Variants in SYT9 observed in about 807,000 individuals in gnomAD.
SYT9 encodes the protein synaptotagmin 9.
In SYT9, 22 loss-of-function variants were observed where a neutral mutation model predicts 48.4. The observed-to-expected ratio is 0.45, with a 90% CI of 0.32 to 0.65. SYT9 has a LOEUF of 0.65. SYT9 is among the 30% of genes least tolerant of loss of function. SYT9 has a pLI of 0.03. For synonymous variants in SYT9, 265 were observed against 245.0 expected, an observed-to-expected ratio of 1.08 and a Z score of -0.76; for missense variants, 577 against 622.0, an observed-to-expected ratio of 0.93 and a Z score of 0.77.
intron 3 of SYT9, among the ~76,000 whole-genome samples, chr11:7,355,648 T>C (rs1223417980): frequency 6.6e-6 from 1 of 152,206 alleles, no homozygotes; most frequent in African/African-American, 2.4e-5. Context: ...CCTTGAGACA[T>C]CACTTATATG....
At chr11:7,406,159 T>C (rs1847004142) in intron 3 of SYT9, among the ~76,000 whole-genome samples, 1 of 152,210 alleles carries the variant, frequency 6.6e-6, no homozygotes, top group Admixed American at 6.5e-5. Flanking sequence ...TTATCATTCC[T>C]ATGTGTTGGT....
At chr11:7,254,317 G>C (rs570978356) in intron 1 of SYT9, among the ~76,000 whole-genome samples, 1 of 152,270 alleles carries the variant, frequency 6.6e-6, no homozygotes, top group South Asian at 2.1e-4. Flanking sequence ...CATGAGGACA[G>C]GGGTGGGGGT....
intron 3 of SYT9, among the ~76,000 whole-genome samples, chr11:7,357,569 T>G (rs1850045253): frequency 6.6e-6 from 1 of 152,144 alleles, no homozygotes; most frequent in Admixed American, 6.6e-5. Flanking sequence ...TATATGCATT[T>G]GTTTTTCTCT....
intron 3 of SYT9, among the ~76,000 whole-genome samples, chr11:7,318,261 A>G (rs1161772247): frequency 1.3e-5 from 2 of 151,716 alleles, no homozygotes; most frequent in South Asian, 2.1e-4. Flanking sequence ...GCTAGTGTAT[A>G]GTTAAAATTC....
At chr11:7,444,026 G>C (rs1334603221) in intron 6 of SYT9, among the ~76,000 whole-genome samples, 1 of 152,222 alleles carries the variant, frequency 6.6e-6, no homozygotes, top group Non-Finnish European at 1.5e-5. Context: ...AAAGGGTACA[G>C]ACTCTGAGTT....
intron 1 of SYT9, among the ~76,000 whole-genome samples, chr11:7,270,057 T>TAA (rs537193640): frequency 6.6e-6 from 1 of 152,198 alleles, no homozygotes; most frequent in South Asian, 2.1e-4. Flanking sequence ...TTAACATTCT[T>TAA]AAAGTGTACT....
At chr11:7,441,280 TC>T (rs1277718047) in intron 6 of SYT9, 2 of 152,140 alleles carry the variant, frequency 1.3e-5, no homozygotes, top group Non-Finnish European at 2.9e-5. Flanking sequence ...GAGGTGAGAC[TC>T]CTAAAACAAA....
At chr11:7,251,099 G>GACACACACGCAC, upstream of SYT9, among the ~76,000 whole-genome samples, 1 of 132,000 alleles carries the variant, frequency 7.6e-6, no homozygotes, top group African/African-American at 2.6e-5. Flanking sequence ...GTGGCACAGT[G>GACACACACGCAC]ACACACACAC....
At chr11:7,323,526 G>A (rs1304800419) in intron 3 of SYT9, among the ~76,000 whole-genome samples, 2 of 151,398 alleles carry the variant, frequency 1.3e-5, no homozygotes, top group Non-Finnish European at 2.9e-5. Flanking sequence ...GTAAACCTTG[G>A]TTTGTTTCTG....
chr11:7,374,516 AC>A (rs1367998862), intron 3 of SYT9, among the ~76,000 whole-genome samples: 1 of 152,170 alleles, frequency 6.6e-6, no homozygotes, highest in African/African-American at 2.4e-5. Flanking sequence ...CAATGGTTGA[AC>A]TAATTTACAT....
intron 1 of SYT9, among the ~76,000 whole-genome samples, chr11:7,288,270 A>G (rs1416050045): frequency 7.4e-6 from 1 of 134,626 alleles, no homozygotes; most frequent in African/African-American, 2.9e-5. Flanking sequence ...TGGTAAAACT[A>G]TGGCATTATA....
chr11:7,371,374 T>A (rs1850358955), intron 3 of SYT9, among the ~76,000 whole-genome samples: 1 of 152,114 alleles, frequency 6.6e-6, no homozygotes, highest in South Asian at 2.1e-4. Context: ...AATAATCATC[T>A]AATAAAATTT....
intron 3 of SYT9, among the ~76,000 whole-genome samples, chr11:7,351,348 T>A (rs555880518): frequency 1.3e-5 from 2 of 152,322 alleles, no homozygotes; most frequent in South Asian, 4.1e-4. Context: ...GCTCCCACAG[T>A]CAGTGCAAGA....
At chr11:7,418,190 G>T (rs116533596) in intron 5 of SYT9, 62 bp downstream of exon 5, 5 of 1,555,794 alleles carry the variant, frequency 3.2e-6, no homozygotes, top group Non-Finnish European at 4.4e-6. Context: ...GGAAGGCAGA[G>T]GGGGAGCAGC....
At chr11:7,443,014 G>C (rs1288789883) in intron 6 of SYT9, among the ~76,000 whole-genome samples, 1 of 152,152 alleles carries the variant, frequency 6.6e-6, no homozygotes, top group Non-Finnish European at 1.5e-5. Context: ...ATGAATGAAT[G>C]AGAATGAGAA....
intron 3 of SYT9, among the ~76,000 whole-genome samples, chr11:7,378,272 G>T (rs1267902764): frequency 1.3e-5 from 2 of 152,080 alleles, no homozygotes; most frequent in Non-Finnish European, 2.9e-5. Flanking sequence ...AGTATGTTAG[G>T]AGAAAGAACT....
At chr11:7,442,685 G>A in intron 6 of SYT9, among the ~76,000 whole-genome samples, 1 of 152,084 alleles carries the variant, frequency 6.6e-6, no homozygotes, top group South Asian at 2.1e-4. Flanking sequence ...TACTCACATG[G>A]GTAATGGGTT....
Position 7,243,244 on chromosome 11 carries a change from T to C in SYT9, c.49+4328T>C, listed in dbSNP as rs918087561. Among the ~76,000 whole-genome samples, 3 of 152,186 alleles carry C rather than the reference T, an allele frequency of 2.0e-5. 1 individual carries two copies. In the East Asian group the frequency reaches 5.8e-4, roughly 29 times the overall value. The stretch of plus-strand genomic sequence containing the variant: ...GAGAAGGAAAGCTTAAATATGGAAA[T>C]TAAGAACCAACATGAAAGTTGTATC... On this transcript the variant is annotated intron_variant and NMD_transcript_variant, in intron 1 of 8. Transcript: ENST00000524820.
At chr11:7,461,889 C>T (rs550053176) in intron 6 of SYT9, among the ~76,000 whole-genome samples, 195 of 152,304 alleles carry the variant, frequency 1.3e-3, no homozygotes, top group Non-Finnish European at 2.4e-3. Flanking sequence ...CTGAATGGTG[C>T]CTTCACTGTA....
Sources: gnomAD v4.1 joint callset for allele counts (sites outside exome capture counted in the v4.1 genomes callset) on GRCh38, gnomAD v4.1.1 for gene constraint, MANE v1.5 for transcripts, NCBI Gene and HGNC (gene_info 2026-07-23, HGNC 2026-07-21) for gene names.